AGAP1: variants seen among roughly 807,000 people sequenced by gnomAD.
The protein encoded by AGAP1 is ArfGAP with GTPase domain, ankyrin repeat and PH domain 1, also known as arf-GAP with GTPase, ANK repeat and PH domain-containing protein 1.
A neutral mutation model predicts 105.3 loss-of-function variants in AGAP1; 29 were observed. The ratio of observed to expected loss-of-function variants is 0.28; its 90% CI spans 0.21 to 0.38. AGAP1 has a LOEUF of 0.38. Ranked by LOEUF, AGAP1 falls within the 10% of genes least tolerant of loss-of-function variation. The probability of loss-of-function intolerance (pLI) is 1.00; values close to 1 mark genes in which losing one functional copy is unlikely to be tolerated. For missense variants in AGAP1, 998 were observed against 1,165.1 expected (o/e 0.86, Z 2.09); for synonymous variants, 509 against 485.9 (o/e 1.05, Z -0.63).
At chr2:235,618,288 T>C (rs1451072387) in intron 1 of AGAP1, among the ~76,000 whole-genome samples, 1 of 152,146 alleles carries the variant, frequency 6.6e-6, no homozygotes, top group Non-Finnish European at 1.5e-5. Flanking sequence ...AGCTGGAAAA[T>C]TCCAGTAGGT....
At chr2:235,696,768 T>C (rs902642839) in intron 1 of AGAP1, among the ~76,000 whole-genome samples, 4 of 151,974 alleles carry the variant, frequency 2.6e-5, no homozygotes, top group African/African-American at 9.7e-5. Context: ...ATGAGCCCCG[T>C]CCCCACCTTA....
intron 1 of AGAP1, among the ~76,000 whole-genome samples, chr2:235,585,360 C>T (rs1945073473): frequency 6.6e-6 from 1 of 152,174 alleles, no homozygotes; most frequent in African/African-American, 2.4e-5. Flanking sequence ...GCGTGGCCTG[C>T]TCTGACCCTG....
intron 1 of AGAP1, among the ~76,000 whole-genome samples, chr2:235,591,275 C>T (rs1261494234): frequency 1.3e-5 from 2 of 152,226 alleles, no homozygotes; most frequent in African/African-American, 4.8e-5. Context: ...CTCAGCCTCC[C>T]AAACTGTTGG....
intron 1 of AGAP1, among the ~76,000 whole-genome samples, chr2:235,641,929 A>G (rs1000848236): frequency 2.0e-5 from 3 of 152,210 alleles, no homozygotes; most frequent in African/African-American, 7.2e-5. Context: ...GAACAGTGGC[A>G]CAAGATTCTC....
chr2:235,528,782 A>G (rs540607299), intron 1 of AGAP1, among the ~76,000 whole-genome samples: 10 of 152,234 alleles, frequency 6.6e-5, no homozygotes, highest in South Asian at 2.1e-4. Context: ...GTTGCAAGCA[A>G]TTCTCCTGCC....
chr2:235,653,930 C>G (rs1038917631), intron 1 of AGAP1, among the ~76,000 whole-genome samples: 1 of 152,194 alleles, frequency 6.6e-6, no homozygotes, highest in Non-Finnish European at 1.5e-5. Context: ...GTGGCAGGCG[C>G]CTGTAATCCC....
rs2053966 is a variant in AGAP1, at chr2:236,058,496, A to G, written c.2114+9215A>G. Among the ~76,000 whole-genome samples, 1,129 of 152,352 alleles carry G rather than the reference A, an allele frequency of 7.4e-3. 12 individuals carry two copies. Among genetic ancestry groups the G allele is most frequent in the African/African-American group, 0.025 (1,038 of 41,580 alleles). On this transcript the variant is annotated intron_variant, in intron 16 of 17. Coordinates refer to ENST00000304032, the MANE Select transcript of AGAP1 (RefSeq NM_001037131.3). The surrounding 1 kb of genome is among the most constrained non-coding windows in gnomAD (Gnocchi z 4.6). ...AGAAAACATAATCTTTTCAAGGGAT[A>G]CAGAAAATACATTTGACAAAACCAC...
rs1190373022 is a variant in AGAP1 at position 235,517,557 on chromosome 2, T to TA, written c.163+22715dup. 1.3e-5 allele frequency among the ~76,000 whole-genome samples: 2 copies of TA among 152,078 alleles called. No individual in the cohort carries two copies. Among genetic ancestry groups the TA allele is most frequent in the African/African-American group, 2.4e-5 (1 of 41,392 alleles). ...GAGGCAGGAGATCCTCTTTACTTTG[T>TA]AAAAAAATGTAAAAGAACTTGTTTA... On this transcript the variant is annotated intron_variant, in intron 1 of 17. Coordinates refer to ENST00000304032, the MANE Select transcript of AGAP1 (RefSeq NM_001037131.3). The surrounding 1 kb of genome is among the most constrained non-coding windows in gnomAD (Gnocchi z 4.1).
chr2:235,842,227 A>T lies in AGAP1; in HGVS notation c.1050+34896A>T, dbSNP rs2106399884. Among the ~76,000 whole-genome samples the T allele has an allele frequency of 6.6e-6, 1 of 152,318 alleles. No individual in the cohort carries two copies. Among genetic ancestry groups the T allele is most frequent in the South Asian group, 2.1e-4 (1 of 4,826 alleles). On this transcript the variant is annotated intron_variant, in intron 9 of 17. Coordinates refer to ENST00000304032, the MANE Select transcript of AGAP1 (RefSeq NM_001037131.3). This position sits in a 1 kb window ranked among gnomAD's most constrained non-coding sequence, Gnocchi z 5.3. ...CACTGTGGTTCTGTAGATAGAATTC[A>T]GGGGTCCGCGAATGTGGCTGGGGGG...
At chr2:235,548,255 C>T (rs957912377) in intron 1 of AGAP1, among the ~76,000 whole-genome samples, 6 of 152,190 alleles carry the variant, frequency 3.9e-5, no homozygotes, top group Admixed American at 3.9e-4. Context: ...CCTGTAGTGT[C>T]GCTCATGTAA....
rs1407626648 is a variant in AGAP1, at chr2:235,567,731, C to T, written c.163+72882C>T. ...ATCTGATGGTGGTGGCCAGGAGGAA[C>T]GTGGCACTGGGGGGTGGGCAGGGTG... On this transcript the variant is annotated intron_variant, in intron 1 of 17. Coordinates refer to ENST00000304032, the MANE Select transcript of AGAP1 (RefSeq NM_001037131.3). 6.0e-5 allele frequency among the ~76,000 whole-genome samples: 3 copies of T among 49,672 alleles called. No homozygotes were observed. In the East Asian group the frequency reaches 1.8e-3, roughly 30 times the overall value. The allele number at this position is 49,672 out of a possible 152,430, so 32.6% of individuals were successfully genotyped here.
intron 1 of AGAP1, among the ~76,000 whole-genome samples, chr2:235,512,615 ATCAG>A (rs979383644): frequency 8.6e-4 from 130 of 152,044 alleles, no homozygotes; most frequent in African/African-American, 2.8e-3. Context: ...CAATCAATCA[ATCAG>A]TCAATCCATG....
chr2:235,828,216 G>A (rs1959168264), intron 9 of AGAP1, among the ~76,000 whole-genome samples: 1 of 152,188 alleles, frequency 6.6e-6, no homozygotes, highest in African/African-American at 2.4e-5. Flanking sequence ...TCAGTGAAAT[G>A]AGCATTCCTC....
At chr2:235,671,315 C>T (rs770207589) in intron 1 of AGAP1, among the ~76,000 whole-genome samples, 127 of 152,272 alleles carry the variant, frequency 8.3e-4, no homozygotes, top group Non-Finnish European at 1.5e-3. Flanking sequence ...CGGGAGAGGT[C>T]GCCTTGCCAG....
chr2:236,016,178 A>G (rs1301863024), intron 13 of AGAP1, among the ~76,000 whole-genome samples: 1 of 152,104 alleles, frequency 6.6e-6, no homozygotes, highest in Non-Finnish European at 1.5e-5. Context: ...GCTTGGCCTC[A>G]TTGGTATCTT....
Position 235,849,472 on chromosome 2 carries a change from G to T in AGAP1, c.1051-33873G>T, listed in dbSNP as rs539246258. ...AAACAAGCTAATGTTAAGTTTTCAG[G>T]CAGTGACCTCTCCTGCAGTGGAGGA... is the stretch of plus-strand genomic sequence containing the variant. On this transcript the variant is annotated intron_variant, in intron 9 of 17. Transcript: ENST00000304032. Among the ~76,000 whole-genome samples the T allele has an allele frequency of 2.7e-3, 109 of 40,432 alleles. 1 individual carries two copies. Among genetic ancestry groups the T allele is most frequent in the African/African-American group, 0.012 (98 of 7,952 alleles). 26.5% of individuals were successfully genotyped at this position (40,432 alleles called of 152,430 possible).
Position 235,994,283 on chromosome 2 carries a change from G to A in AGAP1, c.1645+25660G>A, listed in dbSNP as rs2055694473. On this transcript the variant is annotated intron_variant, in intron 13 of 17. Transcript: ENST00000304032. The surrounding 1 kb of genome is among the most constrained non-coding windows in gnomAD (Gnocchi z 4.4). ...CTGGTCATAGTTAGCATTTCTCCAT[G>A]TCTGTGCTTTTATGCCCTCCTGAAA... Among the ~76,000 whole-genome samples, 1 of 152,174 alleles carries A rather than the reference G, an allele frequency of 6.6e-6. No individual in the cohort carries two copies. The highest frequency in any genetic ancestry group is 2.4e-5 in the African/African-American group (1 of 41,436).
rs1000974980 is a variant in AGAP1 at position 235,619,064 on chromosome 2, G to A, written c.164-90115G>A. 7.9e-5 allele frequency among the ~76,000 whole-genome samples: 12 copies of A among 152,282 alleles called. No homozygotes were observed. In the East Asian group the frequency reaches 2.3e-3, roughly 29 times the overall value. On this transcript the variant is annotated intron_variant, in intron 1 of 17. Transcript: ENST00000304032. ...GGGGAGAGCGCTAGGAGCCGGAAAA[G>A]GCAAGGAAATGGACTCTACCCCAGA... is the stretch of plus-strand genomic sequence containing the variant.
At chr2:235,595,891 T>C (rs1454138409) in intron 1 of AGAP1, among the ~76,000 whole-genome samples, 1 of 152,218 alleles carries the variant, frequency 6.6e-6, no homozygotes, top group East Asian at 1.9e-4. Flanking sequence ...CAACATAAAC[T>C]AGGGCAGCTT....
Sources: allele counts gnomAD v4.1 joint callset (sites outside exome capture counted in the v4.1 genomes callset), GRCh38; gene constraint gnomAD v4.1.1; non-coding constraint Gnocchi (gnomAD v3.1); transcripts MANE v1.5; gene names NCBI Gene and HGNC (gene_info 2026-07-23, HGNC 2026-07-21).